The following USP47 variants were observed in gnomAD, a reference collection of about 807,000 sequenced individuals.
The protein encoded by USP47 is ubiquitin specific peptidase 47.
In USP47, 35 loss-of-function variants were observed where a neutral mutation model predicts 165.1. That is an observed-to-expected ratio of 0.21 (90% confidence interval 0.16 to 0.28). USP47 has a LOEUF of 0.28. Among genes scored for constraint, USP47 ranks in the 10% least tolerant of loss-of-function variants. USP47 has a pLI of 1.00. For missense variants in USP47, 1,277 were observed against 1,607.4 expected (o/e 0.79, Z 3.52); for synonymous variants, 531 against 544.5 (o/e 0.98, Z 0.35).
At chr11:11,856,505 T>A (rs889035862) in intron 1 of USP47, 1 of 152,180 alleles carries the variant, frequency 6.6e-6, no homozygotes, top group Non-Finnish European at 1.5e-5. Flanking sequence ...GTCTTTTTGG[T>A]GGGATATCCT....
intron 1 of USP47, among the ~76,000 whole-genome samples, chr11:11,877,908 AGTTATCTGTGG>A (rs1800019483): frequency 6.7e-6 from 1 of 149,848 alleles, no homozygotes; most frequent in South Asian, 2.2e-4. Flanking sequence ...GCATGCTAAT[AGTTATCTGTGG>A]GTTATAGAGT....
chr11:11,883,020 G>T (rs537717169), intron 2 of USP47, among the ~76,000 whole-genome samples: 3 of 152,048 alleles, frequency 2.0e-5, no homozygotes, highest in Non-Finnish European at 4.4e-5. Context: ...TGCTTACTGC[G>T]TAGTGCTGAA....
chr11:11,871,985 A>T (rs56089346), intron 1 of USP47, among the ~76,000 whole-genome samples: 1,661 of 152,288 alleles, frequency 0.011, 28 homozygotes, highest in African/African-American at 0.038. Flanking sequence ...GAAGGACTTG[A>T]TTGAGAAATG....
chr11:11,929,676 A>C (rs1854507853), intron 12 of USP47, 111 bp downstream of exon 12: 2 of 1,410,690 alleles, frequency 1.4e-6, no homozygotes, highest in Non-Finnish European at 1.9e-6. Flanking sequence ...ATACATCTTA[A>C]GACCCATATC....
chr11:11,872,902 A>G (rs1850161149), intron 1 of USP47, among the ~76,000 whole-genome samples: 1 of 152,210 alleles, frequency 6.6e-6, no homozygotes, highest in Non-Finnish European at 1.5e-5. Flanking sequence ...GTTTGTCTAT[A>G]TAATGGAACA....
chr11:11,920,389 A>G lies in USP47; in HGVS notation c.1113A>G (p.Lys371=). 6.2e-7 allele frequency: 1 copy of G among 1,611,284 alleles called. No homozygotes were observed. The highest frequency in any genetic ancestry group is 1.1e-5 in the South Asian group (1 of 90,648). ...HFPYLLTLQL[K]RFDFDYTTMH... is the part of the protein sequence containing the mutation. Reference sequence around the variant, plus strand: ...CTTATCTGCTGACCTTACAGCTGAAAAGATTCGATTTTGATTATACAACCA... The same window carrying G: ...CTTATCTGCTGACCTTACAGCTGAAGAGATTCGATTTTGATTATACAACCA... Residue 371 remains lysine (K), a synonymous_variant, in exon 10 of 28, where the codon AAA becomes AAG. Coordinates refer to ENST00000527733, the MANE Select transcript of USP47 (RefSeq NM_001282659.2).
chr11:11,863,949 T>A (rs941537230), intron 1 of USP47, among the ~76,000 whole-genome samples: 1 of 152,148 alleles, frequency 6.6e-6, no homozygotes, highest in Admixed American at 6.5e-5. Context: ...ACCTCTAGGT[T>A]CTTTTTCTGG....
At chr11:11,861,728 G>A (rs1202065112) in intron 1 of USP47, among the ~76,000 whole-genome samples, 4 of 152,048 alleles carry the variant, frequency 2.6e-5, no homozygotes, top group Non-Finnish European at 5.9e-5. Flanking sequence ...AGCACAGAGG[G>A]CAGGTATGAA....
At chr11:11,844,160 T>C (rs1848297360) in intron 1 of USP47, among the ~76,000 whole-genome samples, 1 of 152,172 alleles carries the variant, frequency 6.6e-6, no homozygotes, top group South Asian at 2.1e-4. Context: ...AATGACCAAA[T>C]TCTTTGACTT....
intron 20 of USP47, among the ~76,000 whole-genome samples, chr11:11,944,396 G>A (rs1044061336): frequency 6.6e-6 from 1 of 152,026 alleles, no homozygotes; most frequent in Non-Finnish European, 1.5e-5. Flanking sequence ...AATAACACTG[G>A]AATCATACAA....
chr11:11,856,459 T>C (rs766318599), intron 1 of USP47: 13 of 152,214 alleles, frequency 8.5e-5, no homozygotes, highest in Non-Finnish European at 1.9e-4. Flanking sequence ...AAATATTTCT[T>C]TTCATAATAC....
chr11:11,886,692 T>G (rs942040175), intron 3 of USP47, among the ~76,000 whole-genome samples: 1 of 152,150 alleles, frequency 6.6e-6, no homozygotes, highest in African/African-American at 2.4e-5. Flanking sequence ...CCAGGAGAAC[T>G]TTCCTAATCT....
intron 8 of USP47, among the ~76,000 whole-genome samples, chr11:11,913,200 A>G (rs1229856807): frequency 6.6e-6 from 1 of 151,334 alleles, no homozygotes; most frequent in East Asian, 1.9e-4. Flanking sequence ...CTAAAGGAAG[A>G]AATAAAATTG....
chr11:11,950,140 T>G, intron 23 of USP47, 136 bp downstream of exon 23: 1 of 723,796 alleles, frequency 1.4e-6, no homozygotes, highest in South Asian at 2.1e-5. Flanking sequence ...CAGATTAGTT[T>G]AATAGGACTA....
intron 1 of USP47, among the ~76,000 whole-genome samples, chr11:11,865,153 T>C (rs1169096352): frequency 1.3e-5 from 2 of 152,176 alleles, no homozygotes; most frequent in East Asian, 3.8e-4. Context: ...TTTACCTTAT[T>C]TGGGGTTTGC....
intron 20 of USP47, among the ~76,000 whole-genome samples, chr11:11,947,704 C>T (rs1466202531): frequency 1.3e-5 from 2 of 152,090 alleles, no homozygotes; most frequent in Non-Finnish European, 2.9e-5. Flanking sequence ...AGTTTGGCAA[C>T]CTAAACAAAG....
In USP47 at chr11:11,866,888, T is replaced by A. The variant is rs186653781; in HGVS notation, c.40-13289T>A. Among the ~76,000 whole-genome samples the A allele has an allele frequency of 4.2e-3, 632 of 151,640 alleles. 7 individuals carry two copies. Among genetic ancestry groups the A allele is most frequent in the African/African-American group, 0.014 (583 of 41,092 alleles). ...TTCTCTCTGACTGCATTTTTTTTTTTAATTTTTAATTTTTACTTTTATTTT... is the reference window on the plus strand; with the variant it reads ...TTCTCTCTGACTGCATTTTTTTTTTAAATTTTTAATTTTTACTTTTATTTT... On this transcript the variant is annotated intron_variant, in intron 1 of 27. Coordinates refer to ENST00000527733, the MANE Select transcript of USP47 (RefSeq NM_001282659.2).
intron 4 of USP47, among the ~76,000 whole-genome samples, chr11:11,892,682 C>T (rs1238899259): frequency 1.3e-5 from 2 of 151,346 alleles, no homozygotes; most frequent in African/African-American, 2.4e-5. Context: ...TGGGCATGGT[C>T]GCTGTTGCTT....
intron 3 of USP47, among the ~76,000 whole-genome samples, chr11:11,885,615 C>G (rs928323243): frequency 6.6e-6 from 1 of 152,158 alleles, no homozygotes; most frequent in African/African-American, 2.4e-5. Flanking sequence ...AGCAGCCACT[C>G]GGACACACAT....
Sources: gnomAD v4.1 joint callset for allele counts (sites outside exome capture counted in the v4.1 genomes callset) on GRCh38, gnomAD v4.1.1 for gene constraint, MANE v1.5 for transcripts, NCBI Gene and HGNC (gene_info 2026-07-23, HGNC 2026-07-21) for gene names.